CCND2: variants seen among roughly 807,000 people sequenced by gnomAD.
CCND2 encodes cyclin D2.
A neutral mutation model predicts 30.2 loss-of-function variants in CCND2; 6 were observed. The observed-to-expected ratio is 0.20, with a 90% CI of 0.11 to 0.39. The LOEUF (loss-of-function observed/expected upper bound fraction) is 0.39. Among genes scored for constraint, CCND2 ranks in the 10% least tolerant of loss-of-function variants. The pLI is 1.00. For missense variants in CCND2, 235 were observed against 373.4 expected, an observed-to-expected ratio of 0.63 and a Z score of 3.06; for synonymous variants, 150 against 153.1, an observed-to-expected ratio of 0.98 and a Z score of 0.15.
chr12:4,286,819 A>T lies in CCND2; in HGVS notation c.572-2023A>T, dbSNP rs146211374. Reference sequence around the variant, plus strand: ...TAGCAGTGGGACAGCAGAGATGGGCATGTGTGAGGTGTGCTTCCCGGTCTG... The same window carrying T: ...TAGCAGTGGGACAGCAGAGATGGGCTTGTGTGAGGTGTGCTTCCCGGTCTG... On this transcript the variant is annotated intron_variant, in intron 3 of 4. Coordinates refer to ENST00000261254, the MANE Select transcript of CCND2 (RefSeq NM_001759.4). 3.6e-3 allele frequency among the ~76,000 whole-genome samples: 543 copies of T among 152,334 alleles called. 14 individuals carry two copies. The highest frequency in any genetic ancestry group is 0.025 in the Admixed American group (390 of 15,306).
At chr12:4,281,240 G>T (rs1278621696) in intron 3 of CCND2, among the ~76,000 whole-genome samples, 2 of 152,238 alleles carry the variant, frequency 1.3e-5, no homozygotes, top group Non-Finnish European at 2.9e-5. Context: ...ATCGAAAGAA[G>T]TTGCTTTCCC....
chr12:4,275,435 C>G (rs933709103), intron 1 of CCND2: 2 of 147,098 alleles, frequency 1.4e-5, no homozygotes, highest in Middle Eastern at 3.2e-3. Flanking sequence ...CTCCAGCTGC[C>G]GAGGCTGCGG....
At chr12:4,277,756 A>G (rs985615249) in intron 2 of CCND2, among the ~76,000 whole-genome samples, 3 of 152,260 alleles carry the variant, frequency 2.0e-5, no homozygotes, top group African/African-American at 4.8e-5. Context: ...AGCAAATGAA[A>G]GAGATTCCAG....
At position 4,274,282 on chromosome 12, in the gene CCND2, G is replaced by A. The variant is rs1278490757; in HGVS notation, c.195+47G>A. 1.3e-6 allele frequency: 2 copies of A among 1,591,478 alleles called. No individual in the cohort carries two copies. Among genetic ancestry groups the A allele is most frequent in the South Asian group, 2.2e-5 (2 of 89,896 alleles). ...GCCAGGAGCCAGGACCCCTCCGGAT[G>A]CTCGGGTCCCCGGCCGGAGCCCTAA... On this transcript the variant is annotated intron_variant, in intron 1 of 4. Coordinates refer to ENST00000261254, the MANE Select transcript of CCND2 (RefSeq NM_001759.4). The surrounding 1 kb of genome is among the most constrained non-coding windows in gnomAD (Gnocchi z 7.7).
chr12:4,286,659 G>A (rs1864026330), intron 3 of CCND2, among the ~76,000 whole-genome samples: 1 of 152,236 alleles, frequency 6.6e-6, no homozygotes, highest in Non-Finnish European at 1.5e-5. Context: ...GTCCCCAAGA[G>A]GACTCCCCTG....
At chr12:4,284,108 G>A (rs1024132790) in intron 3 of CCND2, among the ~76,000 whole-genome samples, 6 of 152,104 alleles carry the variant, frequency 3.9e-5, no homozygotes, top group Admixed American at 6.5e-5. Context: ...ATCTCCAGTC[G>A]GAACTCCCCA....
In CCND2 at chr12:4,279,105, C is replaced by T. The variant is rs3217810; in HGVS notation, c.571+186C>T. On this transcript the variant is annotated intron_variant, in intron 3 of 4. Transcript: ENST00000261254. ...TTTCTTTATCTGAGCTTTATATATTCGCTTTCTCTGCTAAACTCATAAATG... is the reference window on the plus strand; with the variant it reads ...TTTCTTTATCTGAGCTTTATATATTTGCTTTCTCTGCTAAACTCATAAATG... 0.087 allele frequency among the ~76,000 whole-genome samples: 13,177 copies of T among 152,184 alleles called. 806 individuals carry two copies. Among genetic ancestry groups the T allele is most frequent in the Non-Finnish European group, 0.12 (8,457 of 68,006 alleles).
rs934573100 is a variant in CCND2, at chr12:4,289,014, C to T, written c.720+24C>T. 3.8e-6 allele frequency: 6 copies of T among 1,598,528 alleles called. No individual in the cohort carries two copies. In the African/African-American group the frequency reaches 6.7e-5, roughly 18 times the overall value. Reference sequence around the variant, plus strand: ...TGGTAGGTGGCCACCACCTTCTTGGCTAAGTCCAGATGTCTCTTCTCAGCT... The same window carrying T: ...TGGTAGGTGGCCACCACCTTCTTGGTTAAGTCCAGATGTCTCTTCTCAGCT... On this transcript the variant is annotated intron_variant, in intron 4 of 4. Transcript: ENST00000261254.
chr12:4,289,998 A>G (rs1488863560), intron 4 of CCND2, among the ~76,000 whole-genome samples: 2 of 148,900 alleles, frequency 1.3e-5, no homozygotes, highest in African/African-American at 4.8e-5. Flanking sequence ...ATGCATCACC[A>G]TGGAGAGGCT....
chr12:4,291,221 G>GTGTGTGTGTGTGTGTGTGTGTT (rs1248241238), intron 4 of CCND2, among the ~76,000 whole-genome samples: 1 of 151,674 alleles, frequency 6.6e-6, no homozygotes, highest in African/African-American at 2.4e-5. Context: ...GTGTGTGTGT[G>GTGTGTGTGTGTGTGTGTGTGTT]TGTGTGTGTG....
rs938817140 is a variant in CCND2, at chr12:4,293,181, C to T, written c.720+4191C>T. ...GGCCTTCCGAGCCTTCTGAGTTTTC[C>T]CCAACCTTATCTTAGAGTAGGTTAA... On this transcript the variant is annotated intron_variant, in intron 4 of 4. Coordinates refer to ENST00000261254, the MANE Select transcript of CCND2 (RefSeq NM_001759.4). The surrounding 1 kb of genome is among the most constrained non-coding windows in gnomAD (Gnocchi z 4.9). Among the ~76,000 whole-genome samples, 15 of 152,136 alleles carry T rather than the reference C, an allele frequency of 9.9e-5. No individual in the cohort carries two copies. Among genetic ancestry groups the T allele is most frequent in the Admixed American group, 6.5e-4 (10 of 15,276 alleles).
chr12:4,280,444 G>T (rs761510237), intron 3 of CCND2, among the ~76,000 whole-genome samples: 29 of 152,230 alleles, frequency 1.9e-4, no homozygotes, highest in Non-Finnish European at 3.5e-4. Flanking sequence ...CTGGATGCAG[G>T]CCAGGCCTCA....
intron 4 of CCND2, among the ~76,000 whole-genome samples, chr12:4,292,055 G>C (rs553481950): frequency 6.6e-6 from 1 of 152,276 alleles, no homozygotes; most frequent in East Asian, 1.9e-4. Context: ...ACAGCAGTGT[G>C]AATGTACTTA....
In CCND2 at chr12:4,287,865, C is replaced by T. The variant is rs529935821; in HGVS notation, c.572-977C>T. 1.3e-5 allele frequency among the ~76,000 whole-genome samples: 2 copies of T among 152,250 alleles called. No individual in the cohort carries two copies. The highest frequency in any genetic ancestry group is 2.1e-4 in the South Asian group (1 of 4,810). ...CACCCAGCCCCTCTGAAGGAGTGCTCGGAGGAACACAAGGGGGCTGGTCTT... is the reference window on the plus strand; with the variant it reads ...CACCCAGCCCCTCTGAAGGAGTGCTTGGAGGAACACAAGGGGGCTGGTCTT... On this transcript the variant is annotated intron_variant, in intron 3 of 4. Transcript: ENST00000261254. The surrounding 1 kb of genome is among the most constrained non-coding windows in gnomAD (Gnocchi z 4.0).
chr12:4,274,098 C>T lies in CCND2; in HGVS notation c.58C>T (p.Leu20=). The T allele has an allele frequency of 2.5e-6, 4 of 1,613,906 alleles. No individual in the cohort carries two copies. Among genetic ancestry groups the T allele is most frequent in the Non-Finnish European group, 3.4e-6 (4 of 1,179,942 alleles). The change falls in exon 1 of 5, where the codon CTG becomes TTG. Residue 20 remains leucine, a synonymous_variant. Transcript: ENST00000261254. The surrounding 1 kb of genome is among the most constrained non-coding windows in gnomAD (Gnocchi z 7.7). Reference sequence around the variant, plus strand: ...CCGCAGGGCCGTGCGGGACCGCAACCTGCTCCGAGACGACCGCGTCCTGCA... The same window carrying T: ...CCGCAGGGCCGTGCGGGACCGCAACTTGCTCCGAGACGACCGCGTCCTGCA... ...PVRRAVRDRN[L]LRDDRVLQNL...
chr12:4,300,886 G>T lies in CCND2; in HGVS notation c.*877G>T, dbSNP rs1489407674. ...TATTTAAAAGGGTAATGTGGCCTTG[G>T]CATTTCTTCTTAGAAAAAAACTAAT... On this transcript the variant is annotated 3_prime_UTR_variant, in exon 5 of 5. Transcript: ENST00000261254. 8.6e-6 allele frequency: 2 copies of T among 233,598 alleles called. No individual in the cohort carries two copies. Among genetic ancestry groups the T allele is most frequent in the African/African-American group, 4.4e-5 (2 of 45,358 alleles). The allele number at this position is 233,598 out of a possible 1,614,324, so 14.5% of individuals were successfully genotyped here. A position where few individuals can be genotyped will look rare whatever the true frequency, so the allele number is the denominator to read the frequency against.
rs184590007 is a variant in CCND2 at position 4,276,190 on chromosome 12, C to T, written c.381C>T (p.Thr127=). 12 of 1,614,118 alleles carry T rather than the reference C, an allele frequency of 7.4e-6. No individual in the cohort carries two copies. In the East Asian group the frequency reaches 1.6e-4, roughly 21 times the overall value. The change falls in exon 2 of 5, where the codon ACC becomes ACT. Residue 127 remains threonine (T), a synonymous_variant. Coordinates refer to ENST00000261254, the MANE Select transcript of CCND2 (RefSeq NM_001759.4). The surrounding 1 kb of genome is among the most constrained non-coding windows in gnomAD (Gnocchi z 4.8). ...CCGCGGAGAAGCTGTGCATTTACACCGACAACTCCATCAAGCCTCAGGAGC... is the reference window on the plus strand; with the variant it reads ...CCGCGGAGAAGCTGTGCATTTACACTGACAACTCCATCAAGCCTCAGGAGC... ...PLTAEKLCIY[T]DNSIKPQELL... is the part of the protein sequence containing the mutation.
intron 3 of CCND2, among the ~76,000 whole-genome samples, chr12:4,283,498 C>T (rs1437788758): frequency 6.6e-6 from 1 of 152,220 alleles, no homozygotes; most frequent in Non-Finnish European, 1.5e-5. Context: ...CCAACACTCA[C>T]AGTGAGTGAC....
In CCND2 at chr12:4,287,475, C is replaced by G. The variant is rs1591647694; in HGVS notation, c.572-1367C>G. On this transcript the variant is annotated intron_variant, in intron 3 of 4. Transcript: ENST00000261254. The surrounding 1 kb of genome is among the most constrained non-coding windows in gnomAD (Gnocchi z 4.0). ...CCCTGTATGCTGTGTCTCCTGCCCCCACGTGCCCCTTCCATGTCTACACAC... is the reference window on the plus strand; with the variant it reads ...CCCTGTATGCTGTGTCTCCTGCCCCGACGTGCCCCTTCCATGTCTACACAC... Among the ~76,000 whole-genome samples, 1 of 152,082 alleles carries G rather than the reference C, an allele frequency of 6.6e-6. No homozygotes were observed. Among genetic ancestry groups the G allele is most frequent in the East Asian group, 1.9e-4 (1 of 5,188 alleles).
Sources: allele counts gnomAD v4.1 joint callset (sites outside exome capture counted in the v4.1 genomes callset), GRCh38; gene constraint gnomAD v4.1.1; non-coding constraint Gnocchi (gnomAD v3.1); transcripts MANE v1.5; gene names NCBI Gene and HGNC (gene_info 2026-07-23, HGNC 2026-07-21).